The following AGBL4 variants were observed in gnomAD, a reference collection of about 807,000 sequenced individuals.
The protein encoded by AGBL4 is AGBL carboxypeptidase 4, also known as cytosolic carboxypeptidase 6.
In AGBL4, 58 loss-of-function variants were observed where a neutral mutation model predicts 66.4. The ratio of observed to expected loss-of-function variants is 0.87; its 90% CI spans 0.71 to 1.09. The LOEUF is 1.09. Among genes scored for constraint, AGBL4 ranks in the 50% least tolerant of loss-of-function variants. The pLI, the probability that AGBL4 is intolerant of heterozygous loss-of-function variation, is 0.00. For synonymous variants in AGBL4, 234 were observed against 222.9 expected (o/e 1.05, Z -0.44); for missense variants, 579 against 631.0 (o/e 0.92, Z 0.88).
At chr1:49,353,597 A>G (rs1010168289) in intron 3 of AGBL4, among the ~76,000 whole-genome samples, 28 of 152,086 alleles carry the variant, frequency 1.8e-4, no homozygotes, top group African/African-American at 6.5e-4. Context: ...TCCCTGGTAA[A>G]GGCCCCACCT....
At chr1:48,647,518 A>G in intron 8 of AGBL4, 1 of 366,076 alleles carries the variant, frequency 2.7e-6, no homozygotes, top group Non-Finnish European at 5.5e-6. Flanking sequence ...TTTTATGCCC[A>G]GAAACATAAA....
At chr1:48,634,910 C>T (rs988175306) in intron 8 of AGBL4, among the ~76,000 whole-genome samples, 1 of 152,188 alleles carries the variant, frequency 6.6e-6, no homozygotes, top group Non-Finnish European at 1.5e-5. Context: ...GACACACATG[C>T]ACATCTTCTC....
At chr1:48,733,519 GC>G (rs1350082106) in intron 6 of AGBL4, among the ~76,000 whole-genome samples, 1 of 152,180 alleles carries the variant, frequency 6.6e-6, no homozygotes, top group Non-Finnish European at 1.5e-5. Context: ...TTTAAAAACG[GC>G]TTGGAAAATG....
At chr1:49,508,992 G>C (rs994741628) in intron 3 of AGBL4, among the ~76,000 whole-genome samples, 1 of 151,652 alleles carries the variant, frequency 6.6e-6, no homozygotes, top group African/African-American at 2.4e-5. Context: ...ATCTAGTAGG[G>C]AACATGGATA....
intron 3 of AGBL4, among the ~76,000 whole-genome samples, chr1:49,682,465 T>G (rs1156381843): frequency 2.0e-5 from 3 of 152,172 alleles, no homozygotes; most frequent in African/African-American, 4.8e-5. Context: ...CATTAATGAT[T>G]GTGTAAGAAA....
At chr1:49,208,766 G>C (rs1056097998) in intron 4 of AGBL4, among the ~76,000 whole-genome samples, 1 of 152,022 alleles carries the variant, frequency 6.6e-6, no homozygotes, top group African/African-American at 2.4e-5. Flanking sequence ...TCAAATCATT[G>C]TTCCAAAGAA....
chr1:49,714,986 C>T (rs376841810), intron 2 of AGBL4, among the ~76,000 whole-genome samples: 6 of 152,006 alleles, frequency 3.9e-5, no homozygotes, highest in Non-Finnish European at 5.9e-5. Context: ...TTCAATTATA[C>T]TTTAAGTTCT....
At chr1:49,600,553 C>A (rs1039411135) in intron 3 of AGBL4, among the ~76,000 whole-genome samples, 23 of 152,194 alleles carry the variant, frequency 1.5e-4, no homozygotes, top group African/African-American at 5.3e-4. Flanking sequence ...TGGGTCTTGA[C>A]TCTTTATCCA....
chr1:48,591,129 T>G lies in AGBL4; in HGVS notation c.952-144A>C. 6 of 723,736 alleles carry G rather than the reference T, an allele frequency of 8.3e-6. No individual in the cohort carries two copies. In the South Asian group the frequency reaches 1.3e-4, roughly 16 times the overall value. 44.8% of individuals were successfully genotyped at this position (723,736 alleles called of 1,614,324 possible). On this transcript the variant is annotated intron_variant, in intron 9 of 13. Coordinates refer to ENST00000371839, the MANE Select transcript of AGBL4 (RefSeq NM_032785.4). ...ACACACACACATCAAGCTGACCCTG[T>G]GTGTCAGCAGATTTAGCAGCCATTT...
intron 4 of AGBL4, among the ~76,000 whole-genome samples, chr1:49,146,262 T>C (rs1403415234): frequency 1.3e-5 from 2 of 152,164 alleles, no homozygotes; most frequent in African/African-American, 4.8e-5. Flanking sequence ...ATAACTGTAT[T>C]GTTTGTAACA....
intron 2 of AGBL4, among the ~76,000 whole-genome samples, chr1:49,749,351 T>A (rs1326181359): frequency 1.3e-5 from 2 of 152,150 alleles, no homozygotes. Flanking sequence ...CTCTGTTCTG[T>A]CCCATTGGTC....
At chr1:49,001,600 C>G (rs1459417451) in intron 5 of AGBL4, among the ~76,000 whole-genome samples, 2 of 152,114 alleles carry the variant, frequency 1.3e-5, no homozygotes, top group East Asian at 3.9e-4. Context: ...AGGTGGTTAC[C>G]AAGTGGTGTC....
At chr1:49,300,543 ACAGGT>A (rs987906154) in intron 3 of AGBL4, among the ~76,000 whole-genome samples, 1 of 152,188 alleles carries the variant, frequency 6.6e-6, no homozygotes, top group Non-Finnish European at 1.5e-5. Flanking sequence ...CAGGAGACCC[ACAGGT>A]CTCCATTAAC....
chr1:49,319,194 T>G (rs1269369336), intron 3 of AGBL4, among the ~76,000 whole-genome samples: 2 of 152,210 alleles, frequency 1.3e-5, no homozygotes, highest in Non-Finnish European at 2.9e-5. Context: ...ATGGGTAAGT[T>G]GAAACCACGA....
chr1:48,959,506 TGACACAAAG>T (rs1483228067), intron 5 of AGBL4, among the ~76,000 whole-genome samples: 1 of 152,110 alleles, frequency 6.6e-6, no homozygotes, highest in African/African-American at 2.4e-5. Flanking sequence ...ATTAAAAAAT[TGACACAAAG>T]GACACAAAGG....
At chr1:48,745,054 G>A (rs1429772740) in intron 6 of AGBL4, among the ~76,000 whole-genome samples, 1 of 152,214 alleles carries the variant, frequency 6.6e-6, no homozygotes, top group Non-Finnish European at 1.5e-5. Flanking sequence ...TCATCTGCCT[G>A]TCGGTTTTCA....
intron 4 of AGBL4, among the ~76,000 whole-genome samples, chr1:49,228,838 T>A (rs1207290568): frequency 2.0e-5 from 3 of 152,116 alleles, no homozygotes; most frequent in Non-Finnish European, 4.4e-5. Flanking sequence ...GCATCTACAG[T>A]TTCTGGCTCT....
At chr1:48,948,868 C>T (rs1370410848) in intron 5 of AGBL4, among the ~76,000 whole-genome samples, 1 of 148,512 alleles carries the variant, frequency 6.7e-6, no homozygotes, top group South Asian at 2.1e-4. Flanking sequence ...GCATAAAAGA[C>T]TAAAAAAAAA....
At chr1:48,900,430 C>T (rs1388787015) in intron 5 of AGBL4, among the ~76,000 whole-genome samples, 2 of 152,026 alleles carry the variant, frequency 1.3e-5, no homozygotes, top group Non-Finnish European at 2.9e-5. Flanking sequence ...CCTAGAATAC[C>T]CAAAATAACT....
Sources: allele counts gnomAD v4.1 joint callset (sites outside exome capture counted in the v4.1 genomes callset), GRCh38; gene constraint gnomAD v4.1.1; transcripts MANE v1.5; gene names NCBI Gene and HGNC (gene_info 2026-07-23, HGNC 2026-07-21).